Variants in WDR33 observed in about 807,000 individuals in gnomAD.
The protein encoded by WDR33 is pre-mRNA 3' end processing protein WDR33.
A neutral mutation model predicts 164.9 loss-of-function variants in WDR33; 47 were observed. That is an observed-to-expected ratio of 0.29 (90% CI 0.23 to 0.36). WDR33 has a LOEUF of 0.36. WDR33 is among the 10% of genes least tolerant of loss of function. The pLI, the probability that WDR33 is intolerant of heterozygous loss-of-function variation, is 1.00. For synonymous variants in WDR33, 505 were observed against 589.0 expected (o/e 0.86, Z 2.06); for missense variants, 1,137 against 1,754.1 (o/e 0.65, Z 6.28).
At chr2:127,785,708 G>A (rs1464977732) in intron 1 of WDR33, among the ~76,000 whole-genome samples, 1 of 151,888 alleles carries the variant, frequency 6.6e-6, no homozygotes, top group East Asian at 1.9e-4. Context: ...ACCAAACTTT[G>A]TTTACCCACT....
intron 7 of WDR33, among the ~76,000 whole-genome samples, chr2:127,728,188 G>A (rs902119531): frequency 1.3e-5 from 2 of 152,126 alleles, no homozygotes; most frequent in African/African-American, 4.8e-5. Context: ...GTTTTTAATA[G>A]AACACAAATA....
intron 7 of WDR33, among the ~76,000 whole-genome samples, chr2:127,746,008 G>A (rs1687157425): frequency 7.1e-6 from 1 of 141,734 alleles, no homozygotes; most frequent in African/African-American, 2.7e-5. Flanking sequence ...CTGGGAGACA[G>A]AGCGAGACTC....
At chr2:127,796,181 C>T (rs1689032677) in intron 1 of WDR33, among the ~76,000 whole-genome samples, 1 of 151,482 alleles carries the variant, frequency 6.6e-6, no homozygotes, top group Non-Finnish European at 1.5e-5. Flanking sequence ...AAGTGATCCT[C>T]CCACCTCAGC....
chr2:127,703,860 G>C lies in WDR33; in HGVS notation c.*2463C>G, dbSNP rs1685951687. The stretch of plus-strand genomic sequence containing the variant: ...ATTTCTCAGCTGGTGGCTCACACCT[G>C]TAATCCCAGCATTTTGGGAGGCCAA... On this transcript the variant is annotated 3_prime_UTR_variant, in exon 22 of 22. Transcript: ENST00000322313. The C allele has an allele frequency of 6.0e-6, 1 of 166,620 alleles. No homozygotes were observed. Among genetic ancestry groups the C allele is most frequent in the Non-Finnish European group, 1.5e-5 (1 of 68,124 alleles). The allele number at this position is 166,620 out of a possible 1,614,324, so 10.3% of individuals were successfully genotyped here. A position where few individuals can be genotyped will look rare whatever the true frequency, so the allele number is the denominator to read the frequency against.
At position 127,721,706 on chromosome 2, in the gene WDR33, C is replaced by T. The variant is rs192036089; in HGVS notation, c.1671+130G>A. 3,092 of 953,124 alleles carry T rather than the reference C, an allele frequency of 3.2e-3. 18 individuals carry two copies. Among genetic ancestry groups the T allele is most frequent in the Non-Finnish European group, 3.3e-3 (2,228 of 665,418 alleles). The allele number at this position is 953,124 out of a possible 1,614,324, so 59.0% of individuals were successfully genotyped here. A position where few individuals can be genotyped will look rare whatever the true frequency, so the allele number is the denominator to read the frequency against. ...TTTGGAAACTAGTCTTCTAGCATAG[C>T]AACAGGAAATGGCGGTGTTTGTCAG... On this transcript the variant is annotated intron_variant, in intron 15 of 21. Coordinates refer to ENST00000322313, the MANE Select transcript of WDR33 (RefSeq NM_018383.5). This position sits in a 1 kb window ranked among gnomAD's most constrained non-coding sequence, Gnocchi z 4.9.
intron 1 of WDR33, among the ~76,000 whole-genome samples, chr2:127,789,737 G>C (rs1044378030): frequency 1.3e-5 from 2 of 150,736 alleles, no homozygotes; most frequent in Non-Finnish European, 3.0e-5. Context: ...CTTTAGGGAG[G>C]AGGCATTTCT....
intron 7 of WDR33, among the ~76,000 whole-genome samples, chr2:127,750,677 AATAT>A (rs1161071581): frequency 0.013 from 456 of 35,688 alleles, 11 homozygotes; most frequent in East Asian, 0.029. Context: ...AAAAAAAAAA[AATAT>A]ATATATATAT....
chr2:127,787,273 G>C (rs1465339782), intron 1 of WDR33, among the ~76,000 whole-genome samples: 5 of 108,492 alleles, frequency 4.6e-5, no homozygotes, highest in African/African-American at 1.3e-4. Flanking sequence ...ACACAGACAC[G>C]GCAACCATCC....
intron 1 of WDR33, among the ~76,000 whole-genome samples, chr2:127,788,055 T>C (rs1188966817): frequency 1.3e-4 from 10 of 75,552 alleles, no homozygotes; most frequent in South Asian, 1.2e-3. Context: ...ACGGGGCGGC[T>C]GGCCGGGCGG....
intron 1 of WDR33, among the ~76,000 whole-genome samples, chr2:127,771,698 A>C (rs377124934): frequency 5.4e-4 from 81 of 149,760 alleles, no homozygotes; most frequent in South Asian, 1.7e-3. Context: ...GAATCACTTG[A>C]GTCCAGAATT....
At chr2:127,728,713 C>T (rs989143356) in intron 7 of WDR33, among the ~76,000 whole-genome samples, 4 of 152,136 alleles carry the variant, frequency 2.6e-5, no homozygotes, top group African/African-American at 9.7e-5. Flanking sequence ...GGGCCATTGT[C>T]ACCTAAAAAT....
chr2:127,738,119 C>G lies in WDR33; in HGVS notation c.725-11342G>C. On this transcript the variant is annotated intron_variant, in intron 7 of 21. Coordinates refer to ENST00000322313, the MANE Select transcript of WDR33 (RefSeq NM_018383.5). This position sits in a 1 kb window ranked among gnomAD's most constrained non-coding sequence, Gnocchi z 4.4. ...TGCAGGCAGGTATCTATCACATGAG[C>G]CCTGGCAGATTGTGTAATTTCCAGA... is the stretch of plus-strand genomic sequence containing the variant. 2 of 1,448,820 alleles carry G rather than the reference C, an allele frequency of 1.4e-6. No individual in the cohort carries two copies. The highest frequency in any genetic ancestry group is 1.9e-6 in the Non-Finnish European group (2 of 1,079,656). 89.7% of individuals were successfully genotyped at this position (1,448,820 alleles called of 1,614,324 possible).
At chr2:127,725,245 A>C in intron 8 of WDR33, 30 bp from the exon 9 acceptor site, 1 of 1,570,642 alleles carries the variant, frequency 6.4e-7, no homozygotes, top group South Asian at 1.2e-5. Flanking sequence ...AAAAAATGTC[A>C]GAATTCAAAA....
At chr2:127,805,415 C>T (rs1230072964) in intron 1 of WDR33, among the ~76,000 whole-genome samples, 1 of 151,964 alleles carries the variant, frequency 6.6e-6, no homozygotes, top group East Asian at 1.9e-4. Flanking sequence ...ATATTTGACC[C>T]AAATTTAGTC....
At chr2:127,792,022 T>A (rs1166530255) in intron 1 of WDR33, among the ~76,000 whole-genome samples, 1 of 151,618 alleles carries the variant, frequency 6.6e-6, no homozygotes, top group Admixed American at 6.6e-5. Context: ...CACTGCAACC[T>A]CTGCCTCCCA....
At chr2:127,779,530 G>A (rs759429317) in intron 1 of WDR33, among the ~76,000 whole-genome samples, 2 of 152,124 alleles carry the variant, frequency 1.3e-5, no homozygotes, top group Non-Finnish European at 2.9e-5. Flanking sequence ...CTGTTTTTGT[G>A]CAACTACTGT....
At chr2:127,800,529 C>T (rs994999688) in intron 1 of WDR33, among the ~76,000 whole-genome samples, 11 of 150,618 alleles carry the variant, frequency 7.3e-5, no homozygotes, top group African/African-American at 2.4e-4. Flanking sequence ...CCCAACTACT[C>T]GAGAGGCTGA....
Position 127,712,760 on chromosome 2 carries a change from T to C in WDR33, c.3308+823A>G, listed in dbSNP as rs143329423. On this transcript the variant is annotated intron_variant, in intron 18 of 21. Transcript: ENST00000322313. The surrounding 1 kb of genome is among the most constrained non-coding windows in gnomAD (Gnocchi z 4.0). ...ACTATTTCCTGGTGTTTTTTTGTTT[T>C]GTTTTGTTTTTCTTTTAAGAGACAG... Among the ~76,000 whole-genome samples, 134 of 152,320 alleles carry C rather than the reference T, an allele frequency of 8.8e-4. No individual in the cohort carries two copies. Among genetic ancestry groups the C allele is most frequent in the African/African-American group, 2.9e-3 (121 of 41,574 alleles).
intron 7 of WDR33, among the ~76,000 whole-genome samples, chr2:127,754,681 C>T (rs1687471966): frequency 6.6e-6 from 1 of 151,638 alleles, no homozygotes; most frequent in Non-Finnish European, 1.5e-5. Flanking sequence ...CCTTAGCCTC[C>T]CAAAGAGCTG....
Sources: gnomAD v4.1 joint callset for allele counts (sites outside exome capture counted in the v4.1 genomes callset) on GRCh38, gnomAD v4.1.1 for gene constraint, Gnocchi (gnomAD v3.1) non-coding constraint, MANE v1.5 for transcripts, NCBI Gene and HGNC (gene_info 2026-07-23, HGNC 2026-07-21) for gene names.